ICE1: variants seen among roughly 807,000 people sequenced by gnomAD.
ICE1 encodes the protein interactor of little elongation complex ELL subunit 1, also known as little elongation complex subunit 1.
In ICE1, 64 loss-of-function variants were observed where a neutral mutation model predicts 192.7. The observed-to-expected ratio is 0.33, with a 90% CI of 0.27 to 0.41. The LOEUF is 0.41. Ranked by LOEUF, ICE1 falls within the 10% of genes least tolerant of loss-of-function variation. The probability of loss-of-function intolerance (pLI) is 1.00; values close to 1 mark genes in which losing one functional copy is unlikely to be tolerated. For synonymous variants in ICE1, 1,010 were observed against 984.5 expected (o/e 1.03, Z -0.49); for missense variants, 2,708 against 2,696.0 (o/e 1.00, Z -0.10).
chr5:5,482,635 A>C (rs1463058827), intron 17 of ICE1, among the ~76,000 whole-genome samples: 1 of 152,186 alleles, frequency 6.6e-6, no homozygotes, highest in Non-Finnish European at 1.5e-5. Context: ...CACTATACGC[A>C]GGAGATGGGA....
At chr5:5,443,955 T>C (rs1470383045) in intron 6 of ICE1, among the ~76,000 whole-genome samples, 1 of 152,148 alleles carries the variant, frequency 6.6e-6, no homozygotes, top group African/African-American at 2.4e-5. Flanking sequence ...CCTTAACTCA[T>C]TAGACTCTGG....
At chr5:5,423,952 C>G (rs1440609189) in intron 1 of ICE1, among the ~76,000 whole-genome samples, 1 of 152,150 alleles carries the variant, frequency 6.6e-6, no homozygotes, top group African/African-American at 2.4e-5. Context: ...TTGGTCTTGT[C>G]TCTTAGCTAG....
intron 10 of ICE1, among the ~76,000 whole-genome samples, chr5:5,449,587 A>ATT (rs1419792277): frequency 1.3e-5 from 2 of 152,212 alleles, no homozygotes; most frequent in Non-Finnish European, 2.9e-5. Flanking sequence ...TGCAGAGAAA[A>ATT]TAGCAGCTCT....
chr5:5,423,449 G>GT (rs1737396236), intron 1 of ICE1, among the ~76,000 whole-genome samples: 1 of 15,118 alleles, frequency 6.6e-5, no homozygotes, highest in South Asian at 1.0e-3. Context: ...GGTTGTCTGA[G>GT]TCTTAGACTC....
chr5:5,489,037 T>G, intron 18 of ICE1, 112 bp from the exon 19 acceptor site: 1 of 874,048 alleles, frequency 1.1e-6, no homozygotes, highest in Non-Finnish European at 1.7e-6. Context: ...TTAATTTTCA[T>G]TGCTGGCAGA....
Position 5,463,081 on chromosome 5 carries a change from T to A in ICE1, c.3747T>A (p.Ser1249Arg). ...ATGATTATTCGTTAAAAAATACAAGTCAGCTCACTCAGTGTTCTTTGGAAA... is the reference window on the plus strand; with the variant it reads ...ATGATTATTCGTTAAAAAATACAAGACAGCTCACTCAGTGTTCTTTGGAAA... ...EEDDYSLKNTSQLTQCSLETL... is the reference protein window; with the variant it reads ...EEDDYSLKNTRQLTQCSLETL... The change falls in exon 13 of 19, where the codon AGT becomes AGA. Residue 1249 changes from serine to arginine, a missense_variant. By Grantham distance (110) the Ser-to-Arg change is moderately radical. Around this residue, in one of 2 missense-constraint regions of ICE1, gnomAD observed 2,366 missense variants for 2,276.6 expected, o/e 1.04. Coordinates refer to ENST00000296564, the MANE Select transcript of ICE1 (RefSeq NM_015325.3). 6.2e-7 allele frequency: 1 copy of A among 1,613,392 alleles called. No homozygotes were observed. The highest frequency in any genetic ancestry group is 8.5e-7 in the Non-Finnish European group (1 of 1,179,688).
Position 5,422,742 on chromosome 5 carries a change from C to T in ICE1, c.-174C>T, listed in dbSNP as rs1251614330. On this transcript the variant is annotated 5_prime_UTR_variant, in exon 1 of 19. Coordinates refer to ENST00000296564, the MANE Select transcript of ICE1 (RefSeq NM_015325.3). Reference sequence around the variant, plus strand: ...TTTTTAGTGCCTGAGGCAGCTCTGGCTCGGAGAGCCTTTTGCTAGCCCCAC... The same window carrying T: ...TTTTTAGTGCCTGAGGCAGCTCTGGTTCGGAGAGCCTTTTGCTAGCCCCAC... 2 of 378,532 alleles carry T rather than the reference C, an allele frequency of 5.3e-6. No individual in the cohort carries two copies. The highest frequency in any genetic ancestry group is 9.2e-6 in the Non-Finnish European group (2 of 217,290). The allele number at this position is 378,532 out of a possible 1,614,324, so 23.4% of individuals were successfully genotyped here.
Position 5,460,536 on chromosome 5 carries a change from A to G in ICE1, c.1202A>G (p.Gln401Arg), listed in dbSNP as rs1022234949. ...TCAGAAGATGATACAACTGAATCAC[A>G]GAATTATTTTGGCTCATTGAGAAAA... Reference protein sequence around the residue: ...CVSEDDTTESQNYFGSLRKNK... With the variant: ...CVSEDDTTESRNYFGSLRKNK... The change falls in exon 13 of 19, where the codon CAG (glutamine) becomes CGG (arginine). Residue 401 changes from glutamine (Q) to arginine (R), a missense_variant. Physicochemically the swap from Gln to Arg is conservative, Grantham distance 43 (BLOSUM62 1). Transcript: ENST00000296564. 7 of 1,612,100 alleles carry G rather than the reference A, an allele frequency of 4.3e-6. No individual in the cohort carries two copies. Among genetic ancestry groups the G allele is most frequent in the East Asian group, 4.5e-5 (2 of 44,878 alleles).
chr5:5,444,424 T>C (rs1010229810), intron 7 of ICE1, 98 bp downstream of exon 7: 22 of 809,256 alleles, frequency 2.7e-5, no homozygotes, highest in African/African-American at 1.9e-4. Flanking sequence ...TGAATTGTTA[T>C]GGTTTTTGAT....
chr5:5,455,925 CT>C (rs1372872518), intron 11 of ICE1, among the ~76,000 whole-genome samples: 1 of 152,098 alleles, frequency 6.6e-6, no homozygotes, highest in African/African-American at 2.4e-5. Context: ...TAGTAGTCAT[CT>C]TGCTTTCACC....
At chr5:5,476,851 G>T (rs1041591472) in intron 17 of ICE1, among the ~76,000 whole-genome samples, 3 of 152,106 alleles carry the variant, frequency 2.0e-5, no homozygotes, top group African/African-American at 4.8e-5. Flanking sequence ...CACACCACCT[G>T]CCCAATTTTT....
chr5:5,462,762 T>C lies in ICE1; in HGVS notation c.3428T>C (p.Val1143Ala). The C allele has an allele frequency of 6.2e-7, 1 of 1,613,686 alleles. No individual in the cohort carries two copies. The highest frequency in any genetic ancestry group is 8.5e-7 in the Non-Finnish European group (1 of 1,179,760). ...GACACAGATGCTGCTGTAGCCGAGGTGAGACCTTCCTTAGAGGTAGGTTAT... is the reference window on the plus strand; with the variant it reads ...GACACAGATGCTGCTGTAGCCGAGGCGAGACCTTCCTTAGAGGTAGGTTAT... Reference protein sequence around the residue: ...LGDTDAAVAEVRPSLEVGYLT... With the variant: ...LGDTDAAVAEARPSLEVGYLT... The change falls in exon 13 of 19, where the codon GTG becomes GCG. Residue 1143 changes from valine (V) to alanine (A), a missense_variant. By Grantham distance (64) the Val-to-Ala change is moderately conservative. Around this residue, in one of 2 missense-constraint regions of ICE1, gnomAD observed 2,366 missense variants for 2,276.6 expected, o/e 1.04. Coordinates refer to ENST00000296564, the MANE Select transcript of ICE1 (RefSeq NM_015325.3).
intron 1 of ICE1, among the ~76,000 whole-genome samples, chr5:5,432,542 G>C (rs943237964): frequency 6.6e-6 from 1 of 152,154 alleles, no homozygotes; most frequent in African/African-American, 2.4e-5. Flanking sequence ...CTAGGAATGG[G>C]ACTGTTGGAT....
chr5:5,469,859 T>C (rs1367767477), intron 15 of ICE1, among the ~76,000 whole-genome samples: 1 of 152,164 alleles, frequency 6.6e-6, no homozygotes, highest in African/African-American at 2.4e-5. Context: ...TGTGAGGTAT[T>C]GTCATAAATT....
rs191771288 is a variant in ICE1, at chr5:5,436,970, C to T, written c.144-110C>T. ...TCATTAATTTAGCATGCATTTGTTT[C>T]AGGAAATCTAGGAAGTCTAGAGGGT... On this transcript the variant is annotated intron_variant, in intron 2 of 18. Coordinates refer to ENST00000296564, the MANE Select transcript of ICE1 (RefSeq NM_015325.3). The T allele has an allele frequency of 5.3e-5, 37 of 700,232 alleles. 2 individuals are homozygous for T. The highest frequency in any genetic ancestry group is 4.3e-4 in the African/African-American group (24 of 55,496). The allele number at this position is 700,232 out of a possible 1,614,324, so 43.4% of individuals were successfully genotyped here.
intron 10 of ICE1, among the ~76,000 whole-genome samples, chr5:5,451,051 A>G (rs886814431): frequency 1.3e-5 from 2 of 152,174 alleles, no homozygotes; most frequent in African/African-American, 4.8e-5. Context: ...TAGTAAGTGA[A>G]CAATAAAAAA....
chr5:5,427,420 C>T (rs1322520919), intron 1 of ICE1, among the ~76,000 whole-genome samples: 2 of 152,206 alleles, frequency 1.3e-5, no homozygotes, highest in African/African-American at 4.8e-5. Context: ...TCTCTTTATT[C>T]TGATGAAGGA....
chr5:5,465,350 T>C lies in ICE1; in HGVS notation c.5892+124T>C, dbSNP rs1738952750. On this transcript the variant is annotated intron_variant, in intron 13 of 18. Transcript: ENST00000296564. ...AGTTTTACTTCAAGGATGAGAGTTATCCATGTAAACATTACGACTATATTT... is the reference window on the plus strand; with the variant it reads ...AGTTTTACTTCAAGGATGAGAGTTACCCATGTAAACATTACGACTATATTT... 1.1e-5 allele frequency: 7 copies of C among 656,970 alleles called. No individual in the cohort carries two copies. In the South Asian group the frequency reaches 1.2e-4, roughly 11 times the overall value. 40.7% of individuals were successfully genotyped at this position (656,970 alleles called of 1,614,324 possible).
chr5:5,462,532 C>T lies in ICE1; in HGVS notation c.3198C>T (p.Thr1066=). The T allele has an allele frequency of 6.2e-7, 1 of 1,613,940 alleles. No homozygotes were observed. The highest frequency in any genetic ancestry group is 8.5e-7 in the Non-Finnish European group (1 of 1,179,872). ...PGGALPECFG[T]TDTTFSSAFC... ...GTGCTTTGCCTGAGTGTTTTGGCACCACAGACACTACTTTTTCTTCAGCAT... is the reference window on the plus strand; with the variant it reads ...GTGCTTTGCCTGAGTGTTTTGGCACTACAGACACTACTTTTTCTTCAGCAT... The change falls in exon 13 of 19, where the codon ACC becomes ACT. Residue 1066 remains threonine, a synonymous_variant. Coordinates refer to ENST00000296564, the MANE Select transcript of ICE1 (RefSeq NM_015325.3).
Sources: allele counts gnomAD v4.1 joint callset (sites outside exome capture counted in the v4.1 genomes callset), GRCh38; gene constraint gnomAD v4.1.1; regional missense constraint gnomAD v4.1.1; transcripts MANE v1.5; gene names NCBI Gene and HGNC (gene_info 2026-07-23, HGNC 2026-07-21).